The following RASAL2 variants were observed in gnomAD, a reference collection of about 807,000 sequenced individuals.
The protein encoded by RASAL2 is ras GTPase-activating protein nGAP.
A neutral mutation model predicts 128.9 loss-of-function variants in RASAL2; 58 were observed. The ratio of observed to expected loss-of-function variants is 0.45; its 90% CI spans 0.36 to 0.56. The LOEUF (loss-of-function observed/expected upper bound fraction) is 0.56. RASAL2 is among the 20% of genes least tolerant of loss of function. RASAL2 has a pLI of 0.00. For synonymous variants in RASAL2, 561 were observed against 580.8 expected (o/e 0.97, Z 0.49); for missense variants, 1,360 against 1,601.6 (o/e 0.85, Z 2.57).
intron 1 of RASAL2, among the ~76,000 whole-genome samples, chr1:178,164,752 A>G (rs978501556): frequency 1.3e-5 from 2 of 148,924 alleles, no homozygotes; most frequent in Non-Finnish European, 3.0e-5. Context: ...GTCAATTTTC[A>G]CTGATTGTTT....
intron 3 of RASAL2, among the ~76,000 whole-genome samples, chr1:178,320,670 C>A (rs988241484): frequency 2.0e-5 from 3 of 152,130 alleles, no homozygotes; most frequent in Non-Finnish European, 4.4e-5. Context: ...GTGCGCGCAC[C>A]CACTGACCTG....
rs1049314822 is a variant in RASAL2, at chr1:178,464,340, G to A, written c.3315G>A (p.Leu1105=). The change falls in exon 15 of 18, where the codon CTG becomes CTA. Residue 1105 remains leucine (L), a synonymous_variant. Transcript: ENST00000367649. ...SPVERTAAWV[L]NNGQYEEDVE... ...TAGAGAGGACAGCAGCCTGGGTTCTGAACAATGGGCAGTATGAAGAGGATG... is the reference window on the plus strand; with the variant it reads ...TAGAGAGGACAGCAGCCTGGGTTCTAAACAATGGGCAGTATGAAGAGGATG... 4 of 1,613,788 alleles carry A rather than the reference G, an allele frequency of 2.5e-6. No homozygotes were observed. Among genetic ancestry groups the A allele is most frequent in the Non-Finnish European group, 2.5e-6 (3 of 1,179,786 alleles).
At chr1:178,232,532 C>T (rs1013353488) in intron 1 of RASAL2, among the ~76,000 whole-genome samples, 1 of 152,038 alleles carries the variant, frequency 6.6e-6, no homozygotes, top group Non-Finnish European at 1.5e-5. Context: ...TAGCAAATAC[C>T]CTCTGCCTCT....
At chr1:178,332,607 C>G (rs996854512) in intron 3 of RASAL2, among the ~76,000 whole-genome samples, 5 of 146,236 alleles carry the variant, frequency 3.4e-5, no homozygotes, top group Non-Finnish European at 7.4e-5. Context: ...AAAATTGTCT[C>G]CAATTCTTTT....
In RASAL2 at chr1:178,452,503, C is replaced by A; in HGVS notation, c.1860C>A (p.Leu620=). ...GCAAGCAAGACATCAGCGAGAGGCT[C>A]ATCAGTGCCTCATTATTTCTCCGTT... ...NRGKQDISER[L]ISASLFLRFL... The change falls in exon 11 of 18, where the codon CTC becomes CTA. Residue 620 remains leucine, a synonymous_variant. Transcript: ENST00000367649. 6.2e-7 allele frequency: 1 copy of A among 1,614,070 alleles called. No homozygotes were observed. Among genetic ancestry groups the A allele is most frequent in the Non-Finnish European group, 8.5e-7 (1 of 1,179,970 alleles).
intron 1 of RASAL2, among the ~76,000 whole-genome samples, chr1:178,183,040 T>A (rs866201586): frequency 2.6e-5 from 4 of 152,136 alleles, no homozygotes; most frequent in Admixed American, 6.5e-5. Context: ...CAGGCAGTAA[T>A]GCTCACTCAC....
At chr1:178,287,946 A>G (rs1481765709) in intron 2 of RASAL2, among the ~76,000 whole-genome samples, 2 of 152,164 alleles carry the variant, frequency 1.3e-5, no homozygotes, top group Non-Finnish European at 2.9e-5. Flanking sequence ...TATCCATGTA[A>G]CCAAACACCA....
At chr1:178,225,239 T>C (rs1056689154) in intron 1 of RASAL2, among the ~76,000 whole-genome samples, 1 of 151,916 alleles carries the variant, frequency 6.6e-6, no homozygotes, top group Non-Finnish European at 1.5e-5. Flanking sequence ...TTTAAATATA[T>C]ATATTTTTAC....
intron 3 of RASAL2, among the ~76,000 whole-genome samples, chr1:178,302,931 C>T (rs1271845194): frequency 2.0e-5 from 3 of 152,032 alleles, no homozygotes; most frequent in East Asian, 1.9e-4. Context: ...GCAGGAGAAT[C>T]GCTTGAACCC....
At chr1:178,266,926 G>A (rs1665983825) in intron 1 of RASAL2, among the ~76,000 whole-genome samples, 1 of 152,120 alleles carries the variant, frequency 6.6e-6, no homozygotes, top group African/African-American at 2.4e-5. Context: ...AGAGAACAAG[G>A]GTAGGAATCG....
At chr1:178,168,517 G>A (rs1661594181) in intron 1 of RASAL2, among the ~76,000 whole-genome samples, 1 of 151,854 alleles carries the variant, frequency 6.6e-6, no homozygotes, top group African/African-American at 2.4e-5. Context: ...AATCTATGAG[G>A]GCACTGCTGT....
At chr1:178,409,356 G>A (rs980920969) in intron 4 of RASAL2, among the ~76,000 whole-genome samples, 2 of 152,188 alleles carry the variant, frequency 1.3e-5, no homozygotes, top group African/African-American at 4.8e-5. Flanking sequence ...TGTGCTAGAT[G>A]TAAGGCTAGC....
rs79733978 is a variant in RASAL2, at chr1:178,218,877, G to A, written c.203-64687G>A. Among the ~76,000 whole-genome samples, 353 of 152,334 alleles carry A rather than the reference G, an allele frequency of 2.3e-3. 3 individuals carry two copies. Among genetic ancestry groups the A allele is most frequent in the South Asian group, 7.2e-3 (35 of 4,830 alleles). The stretch of plus-strand genomic sequence containing the variant: ...GTATTAGCCCCTAACAACAGAGTCA[G>A]CCTATCCTTTGAAGCTTTTAAGCCA... On this transcript the variant is annotated intron_variant, in intron 1 of 17. Transcript: ENST00000367649.
intron 1 of RASAL2, among the ~76,000 whole-genome samples, chr1:178,179,219 G>C (rs1234824379): frequency 2.6e-5 from 4 of 152,158 alleles, no homozygotes; most frequent in Non-Finnish European, 5.9e-5. Flanking sequence ...CTGATTTCAA[G>C]CTACCAGCCT....
At chr1:178,409,414 G>T (rs1415101645) in intron 4 of RASAL2, among the ~76,000 whole-genome samples, 2 of 152,102 alleles carry the variant, frequency 1.3e-5, no homozygotes, top group Non-Finnish European at 2.9e-5. Context: ...GCAGGGTCAG[G>T]TCATGTCAAA....
At chr1:178,223,283 C>G (rs1663674032) in intron 1 of RASAL2, among the ~76,000 whole-genome samples, 1 of 152,150 alleles carries the variant, frequency 6.6e-6, no homozygotes, top group South Asian at 2.1e-4. Flanking sequence ...AACGCCACAG[C>G]TGTGATGGAG....
At chr1:178,452,713 A>G (rs200764727) in intron 11 of RASAL2, 61 bp downstream of exon 11, 8 of 1,405,240 alleles carry the variant, frequency 5.7e-6, no homozygotes, top group Non-Finnish European at 8.0e-6. Context: ...GAGGCCTAAA[A>G]TTTGGATGAG....
chr1:178,259,859 C>T (rs545403300), intron 1 of RASAL2, among the ~76,000 whole-genome samples: 1 of 152,250 alleles, frequency 6.6e-6, no homozygotes, highest in South Asian at 2.1e-4. Context: ...TCACTCCCCC[C>T]TGCATGTTTT....
intron 4 of RASAL2, among the ~76,000 whole-genome samples, chr1:178,418,767 C>T (rs1025712287): frequency 2.0e-5 from 3 of 152,184 alleles, no homozygotes; most frequent in African/African-American, 7.2e-5. Flanking sequence ...ATCCCTTCCT[C>T]CATTGAAGTT....
Sources: gnomAD v4.1 joint callset for allele counts (sites outside exome capture counted in the v4.1 genomes callset) on GRCh38, gnomAD v4.1.1 for gene constraint, MANE v1.5 for transcripts, NCBI Gene and HGNC (gene_info 2026-07-23, HGNC 2026-07-21) for gene names.